The following MGAT5 variants were observed in gnomAD, a reference collection of about 807,000 sequenced individuals.
MGAT5 encodes alpha-1,6-mannosylglycoprotein 6-beta-N-acetylglucosaminyltransferase A.
A neutral mutation model predicts 94.3 loss-of-function variants in MGAT5; 30 were observed. That is an observed-to-expected ratio of 0.32 (90% CI 0.24 to 0.43). The LOEUF (loss-of-function observed/expected upper bound fraction) is 0.43. MGAT5 is among the 20% of genes least tolerant of loss of function. The pLI is 1.00. For missense variants in MGAT5, 691 were observed against 905.5 expected (o/e 0.76, Z 3.04); for synonymous variants, 310 against 322.9 (o/e 0.96, Z 0.43).
At chr2:134,122,370 C>T (rs1035220441) in intron 1 of MGAT5, among the ~76,000 whole-genome samples, 2 of 152,308 alleles carry the variant, frequency 1.3e-5, no homozygotes, top group South Asian at 2.1e-4. Context: ...TCCCAAAGTG[C>T]TGGGATTACA....
intron 4 of MGAT5, among the ~76,000 whole-genome samples, chr2:134,321,548 A>C (rs931199910): frequency 6.6e-6 from 1 of 152,184 alleles, no homozygotes; most frequent in African/African-American, 2.4e-5. Context: ...GGAAGTAGAG[A>C]GGAATACGGG....
At chr2:134,341,032 C>T (rs1018916999) in intron 6 of MGAT5, among the ~76,000 whole-genome samples, 1 of 152,040 alleles carries the variant, frequency 6.6e-6, no homozygotes, top group Non-Finnish European at 1.5e-5. Flanking sequence ...AAGGTTTGTT[C>T]CTTTTAGGGA....
chr2:134,342,119 T>C (rs1688667112), intron 7 of MGAT5, among the ~76,000 whole-genome samples: 1 of 152,192 alleles, frequency 6.6e-6, no homozygotes, highest in African/African-American at 2.4e-5. Context: ...TCAACATCAA[T>C]CTTGCTAAAT....
intron 10 of MGAT5, among the ~76,000 whole-genome samples, chr2:134,365,499 A>C (rs1048167724): frequency 6.6e-6 from 1 of 152,228 alleles, no homozygotes; most frequent in African/African-American, 2.4e-5. Context: ...CGTCTGTGGC[A>C]GGAGGGCGAG....
At chr2:134,433,179 A>G (rs1052025277) in intron 14 of MGAT5, among the ~76,000 whole-genome samples, 3 of 152,298 alleles carry the variant, frequency 2.0e-5, no homozygotes, top group Admixed American at 1.3e-4. Flanking sequence ...TTCACTTAGC[A>G]TGATGTTTTG....
At chr2:134,200,672 A>G in intron 1 of MGAT5, among the ~76,000 whole-genome samples, 1 of 152,142 alleles carries the variant, frequency 6.6e-6, no homozygotes, top group East Asian at 1.9e-4. Flanking sequence ...GTATGGAGTG[A>G]GCAAAACAGA....
At chr2:134,263,853 A>T (rs772160866) in intron 1 of MGAT5, among the ~76,000 whole-genome samples, 1 of 152,102 alleles carries the variant, frequency 6.6e-6, no homozygotes, top group African/African-American at 2.4e-5. Flanking sequence ...ATAAAGAATA[A>T]ATACACTCTT....
chr2:134,418,315 AT>A (rs2106346748), intron 12 of MGAT5, among the ~76,000 whole-genome samples: 1 of 152,316 alleles, frequency 6.6e-6, no homozygotes, highest in East Asian at 1.9e-4. Flanking sequence ...TCACACGGAC[AT>A]TTGGTTCCTC....
intron 11 of MGAT5, among the ~76,000 whole-genome samples, chr2:134,411,892 T>C (rs990903191): frequency 5.9e-5 from 9 of 152,202 alleles, no homozygotes; most frequent in African/African-American, 2.2e-4. Context: ...CCAGTTATCT[T>C]TTCTCACTTA....
intron 9 of MGAT5, among the ~76,000 whole-genome samples, chr2:134,350,797 A>G (rs1321799316): frequency 6.6e-6 from 1 of 152,186 alleles, no homozygotes; most frequent in African/African-American, 2.4e-5. Flanking sequence ...GAAAGGCCAC[A>G]TGAGATAATT....
chr2:134,148,287 G>C (rs1204830328), intron 1 of MGAT5, among the ~76,000 whole-genome samples: 1 of 152,134 alleles, frequency 6.6e-6, no homozygotes, highest in East Asian at 1.9e-4. Context: ...CTCAACCCTT[G>C]CTGCCCATTG....
intron 1 of MGAT5, among the ~76,000 whole-genome samples, chr2:134,198,228 G>C (rs576961983): frequency 9.2e-5 from 14 of 152,192 alleles, no homozygotes; most frequent in African/African-American, 3.4e-4. Flanking sequence ...AGCTCAGTGA[G>C]CCTGTTCACC....
At chr2:134,159,333 A>G (rs956293747) in intron 1 of MGAT5, among the ~76,000 whole-genome samples, 5 of 151,382 alleles carry the variant, frequency 3.3e-5, no homozygotes, top group African/African-American at 1.2e-4. Context: ...CTTTGCTTGC[A>G]ATGTGTCTGC....
chr2:134,157,318 T>C (rs942953065), intron 1 of MGAT5, among the ~76,000 whole-genome samples: 7 of 152,202 alleles, frequency 4.6e-5, no homozygotes, highest in Non-Finnish European at 1.0e-4. Flanking sequence ...CTGTACTATC[T>C]TTGCAACTTT....
intron 1 of MGAT5, among the ~76,000 whole-genome samples, chr2:134,174,630 A>T (rs1265756876): frequency 1.3e-5 from 2 of 152,252 alleles, no homozygotes; most frequent in African/African-American, 4.8e-5. Context: ...AAAGACGAAT[A>T]ATTTGAGACA....
intron 1 of MGAT5, among the ~76,000 whole-genome samples, chr2:134,189,498 C>T (rs1409024994): frequency 1.3e-5 from 2 of 151,800 alleles, no homozygotes; most frequent in Admixed American, 6.6e-5. Flanking sequence ...AGAAGTGGGC[C>T]CAGCTCTTTT....
At chr2:134,262,076 C>G (rs1448637863) in intron 1 of MGAT5, among the ~76,000 whole-genome samples, 1 of 152,174 alleles carries the variant, frequency 6.6e-6, no homozygotes. Context: ...GAACAAGTCA[C>G]CGATCATCTT....
chr2:134,438,199 C>G (rs1685276502), intron 14 of MGAT5, among the ~76,000 whole-genome samples: 2 of 152,034 alleles, frequency 1.3e-5, no homozygotes, highest in African/African-American at 4.8e-5. Flanking sequence ...CCTTTAGCCT[C>G]CATGTTTAAG....
intron 1 of MGAT5, among the ~76,000 whole-genome samples, chr2:134,151,662 TCATGCCCTGTGGGACC>T (rs1259614910): frequency 8.3e-4 from 72 of 86,362 alleles, no homozygotes; most frequent in South Asian, 1.7e-3. Context: ...GGGACCTCAC[TCATGCCCTGTGGGACC>T]CACTCACTGC....
Sources: gnomAD v4.1 joint callset for allele counts (sites outside exome capture counted in the v4.1 genomes callset) on GRCh38, gnomAD v4.1.1 for gene constraint, MANE v1.5 for transcripts, NCBI Gene and HGNC (gene_info 2026-07-23, HGNC 2026-07-21) for gene names.